The following PDZRN4 variants were observed in gnomAD, a reference collection of about 807,000 sequenced individuals.
PDZRN4 encodes the protein PDZ domain containing ring finger 4, also known as PDZ domain-containing RING finger protein 4.
PDZRN4 carries 70 observed loss-of-function variants against 99.0 expected under a neutral mutation model. The observed-to-expected ratio is 0.71, with a 90% CI of 0.58 to 0.86. The LOEUF (loss-of-function observed/expected upper bound fraction) is 0.86. Ranked by LOEUF, PDZRN4 falls within the 40% of genes least tolerant of loss-of-function variation. PDZRN4 has a pLI of 0.00. For missense variants in PDZRN4, 1,474 were observed against 1,331.2 expected (o/e 1.11, Z -1.67); for synonymous variants, 551 against 501.6 (o/e 1.10, Z -1.32).
chr12:41,343,668 G>A (rs988599051), intron 3 of PDZRN4, among the ~76,000 whole-genome samples: 1 of 151,876 alleles, frequency 6.6e-6, no homozygotes, highest in African/African-American at 2.4e-5. Flanking sequence ...GTGTTCTACT[G>A]CACAGTAGGG....
intron 5 of PDZRN4, among the ~76,000 whole-genome samples, chr12:41,517,300 C>T (rs1304053591): frequency 6.6e-6 from 1 of 152,024 alleles, no homozygotes; most frequent in Non-Finnish European, 1.5e-5. Flanking sequence ...ACATATATGA[C>T]TTTTATCAAA....
chr12:41,229,572 C>G lies in PDZRN4; in HGVS notation c.843+35384C>G, dbSNP rs569683246. On this transcript the variant is annotated intron_variant, in intron 3 of 9. Coordinates refer to ENST00000402685, the MANE Select transcript of PDZRN4 (RefSeq NM_001164595.2). Reference sequence around the variant, plus strand: ...TTGTCTTACTCCCTATCTGCTATATCAAAGCATAGGAATAGTTGCAGTTCT... The same window carrying G: ...TTGTCTTACTCCCTATCTGCTATATGAAAGCATAGGAATAGTTGCAGTTCT... 3.3e-5 allele frequency among the ~76,000 whole-genome samples: 5 copies of G among 152,120 alleles called. No homozygotes were observed. In the East Asian group the frequency reaches 9.7e-4, roughly 30 times the overall value.
At chr12:41,438,113 C>T (rs1952646600) in intron 3 of PDZRN4, 2 of 1,445,466 alleles carry the variant, frequency 1.4e-6, no homozygotes, top group Non-Finnish European at 1.9e-6. Flanking sequence ...TCTTTCAGTA[C>T]ATTTCAGAAT....
chr12:41,321,717 C>G (rs543846121), intron 3 of PDZRN4, among the ~76,000 whole-genome samples: 1 of 152,120 alleles, frequency 6.6e-6, no homozygotes, highest in Non-Finnish European at 1.5e-5. Flanking sequence ...AATAGGCCAT[C>G]TCATATTGCC....
At chr12:41,563,737 A>C in intron 8 of PDZRN4, 88 bp downstream of exon 8, 4 of 852,496 alleles carry the variant, frequency 4.7e-6, no homozygotes, top group Non-Finnish European at 7.6e-6. Context: ...TATATTCATT[A>C]TCTGCTATTC....
chr12:41,511,478 T>C (rs1295778707), intron 5 of PDZRN4, among the ~76,000 whole-genome samples: 1 of 152,086 alleles, frequency 6.6e-6, no homozygotes, highest in African/African-American at 2.4e-5. Flanking sequence ...AGTCATTAAT[T>C]TGCTGTCAGC....
At chr12:41,257,507 C>CTGG (rs1951211441) in intron 3 of PDZRN4, among the ~76,000 whole-genome samples, 1 of 152,152 alleles carries the variant, frequency 6.6e-6, no homozygotes. Flanking sequence ...GGAGAGGTAA[C>CTGG]TGAAGCCTTG....
In PDZRN4 at chr12:41,355,810, G is replaced by A. The variant is rs555117421; in HGVS notation, c.844-150646G>A. Among the ~76,000 whole-genome samples, 14 of 152,038 alleles carry A rather than the reference G, an allele frequency of 9.2e-5. No individual in the cohort carries two copies. In the South Asian group the frequency reaches 2.7e-3, roughly 29 times the overall value. ...GTTTCATGCACAGTTATCCAAGAGG[G>A]AGTTAAAAAAAGAAACACTAACCAG... On this transcript the variant is annotated intron_variant, in intron 3 of 9. Transcript: ENST00000402685.
chr12:41,199,955 T>G (rs1037101591), intron 3 of PDZRN4, among the ~76,000 whole-genome samples: 1 of 152,066 alleles, frequency 6.6e-6, no homozygotes. Context: ...AGCCCAGACT[T>G]CACCATGATG....
At chr12:41,412,419 T>G (rs1360050216) in intron 3 of PDZRN4, 1 of 151,808 alleles carries the variant, frequency 6.6e-6, no homozygotes, top group Non-Finnish European at 1.5e-5. Context: ...GGTCAGAAAC[T>G]TGGCCATGGC....
At chr12:41,313,414 C>A (rs1200906028) in intron 3 of PDZRN4, among the ~76,000 whole-genome samples, 1 of 152,186 alleles carries the variant, frequency 6.6e-6, no homozygotes, top group Non-Finnish European at 1.5e-5. Flanking sequence ...TTCCTACTAA[C>A]AAGTTGCTCT....
chr12:41,296,636 C>A (rs1448235226), intron 3 of PDZRN4, among the ~76,000 whole-genome samples: 1 of 152,040 alleles, frequency 6.6e-6, no homozygotes, highest in Non-Finnish European at 1.5e-5. Flanking sequence ...TGATTTGGCT[C>A]CTCTTCCTTC....
At chr12:41,458,932 G>A (rs770349671) in intron 3 of PDZRN4, among the ~76,000 whole-genome samples, 25 of 152,136 alleles carry the variant, frequency 1.6e-4, no homozygotes, top group Non-Finnish European at 3.4e-4. Context: ...GCAGCAACTG[G>A]GAAGAGGATG....
chr12:41,567,851 A>G lies in PDZRN4; in HGVS notation c.1536A>G (p.Glu512=). The G allele has an allele frequency of 6.2e-7, 1 of 1,613,656 alleles. No homozygotes were observed. The highest frequency in any genetic ancestry group is 1.1e-5 in the South Asian group (1 of 91,032). The change falls in exon 9 of 10, where the codon GAA becomes GAG. Residue 512 remains glutamate (E), a synonymous_variant. Transcript: ENST00000402685. The part of the protein sequence containing the change: ...FLEELNLEML[E]EEHNEAMQPT... ...AGGAGTTAAACTTGGAGATGTTGGA[A>G]GAAGAGCATAATGAAGCAATGCAGC...
intron 5 of PDZRN4, among the ~76,000 whole-genome samples, chr12:41,511,508 G>T (rs777418489): frequency 6.6e-6 from 1 of 151,978 alleles, no homozygotes; most frequent in Non-Finnish European, 1.5e-5. Context: ...GTTGCCAAAG[G>T]CTCCTTTCTG....
chr12:41,532,225 T>G (rs1938673275), intron 5 of PDZRN4, among the ~76,000 whole-genome samples: 1 of 152,184 alleles, frequency 6.6e-6, no homozygotes, highest in African/African-American at 2.4e-5. Flanking sequence ...TAAATCAAGT[T>G]TCTGTATATG....
intron 3 of PDZRN4, among the ~76,000 whole-genome samples, chr12:41,336,565 T>A (rs559363196): frequency 1.1e-4 from 17 of 152,248 alleles, no homozygotes; most frequent in Non-Finnish European, 2.2e-4. Context: ...TCACCTTGCC[T>A]GCTGCCTAGA....
rs754649260 is a variant in PDZRN4 at position 41,188,796 on chromosome 12, G to A, written c.341G>A (p.Ser114Asn). The A allele has an allele frequency of 6.6e-6, 9 of 1,355,044 alleles. No individual in the cohort carries two copies. The highest frequency in any genetic ancestry group is 1.5e-5 in the African/African-American group (1 of 65,122). 83.9% of individuals were successfully genotyped at this position (1,355,044 alleles called of 1,614,324 possible). ...CDFGPARRLR[S>N]RGGCASGLGG... ...TTCGGCCCTGCCCGCCGGCTCCGCA[G>A]CCGCGGGGGCTGCGCTTCGGGGCTG... is the stretch of plus-strand genomic sequence containing the variant. Residue 114 changes from serine to asparagine, a missense_variant, in exon 1 of 10, where the codon AGC (serine) becomes AAC (asparagine). Transcript: ENST00000402685.
At chr12:41,376,008 G>T (rs1267493497) in intron 3 of PDZRN4, among the ~76,000 whole-genome samples, 1 of 152,020 alleles carries the variant, frequency 6.6e-6, no homozygotes, top group Non-Finnish European at 1.5e-5. Context: ...GTATTTCTCT[G>T]TGTGACTTAT....
Sources: allele counts gnomAD v4.1 joint callset (sites outside exome capture counted in the v4.1 genomes callset), GRCh38; gene constraint gnomAD v4.1.1; transcripts MANE v1.5; gene names NCBI Gene and HGNC (gene_info 2026-07-23, HGNC 2026-07-21).